The following DYNC1I1 variants were observed in gnomAD, a reference collection of about 807,000 sequenced individuals.
DYNC1I1 encodes the protein dynein cytoplasmic 1 intermediate chain 1, also known as cytoplasmic dynein 1 intermediate chain 1.
Under a neutral mutation model 86.6 loss-of-function variants are expected in DYNC1I1, and 43 were observed. That is an observed-to-expected ratio of 0.50 (90% CI 0.39 to 0.64). The LOEUF (loss-of-function observed/expected upper bound fraction) is 0.64, where lower values mean the gene tolerates loss of function less well. Ranked by LOEUF, DYNC1I1 falls within the 30% of genes least tolerant of loss-of-function variation. DYNC1I1 has a pLI of 0.00. For missense variants in DYNC1I1, 604 were observed against 788.8 expected (o/e 0.77, Z 2.81); for synonymous variants, 262 against 283.7 (o/e 0.92, Z 0.77).
At position 95,971,053 on chromosome 7, in the gene DYNC1I1, A is replaced by G. The variant is rs73708434; in HGVS notation, c.491-6459A>G. Among the ~76,000 whole-genome samples, 1,411 of 152,078 alleles carry G rather than the reference A, an allele frequency of 9.3e-3. 21 individuals carry two copies. The highest frequency in any genetic ancestry group is 0.032 in the African/African-American group (1,315 of 41,342). Reference sequence around the variant, plus strand: ...TGCTCAGGTATCCAGCTGGGATTCCATATGAACAGTGGCACCATTAAGCAG... The same window carrying G: ...TGCTCAGGTATCCAGCTGGGATTCCGTATGAACAGTGGCACCATTAAGCAG... On this transcript the variant is annotated intron_variant, in intron 6 of 16. Transcript: ENST00000447467.
chr7:96,083,816 C>T (rs758224402), intron 16 of DYNC1I1, among the ~76,000 whole-genome samples: 16 of 152,296 alleles, frequency 1.1e-4, no homozygotes, highest in East Asian at 3.9e-4. Context: ...CCTATTAAAA[C>T]GAAACTCATA....
chr7:96,018,875 A>G (rs1198634403), intron 10 of DYNC1I1, among the ~76,000 whole-genome samples: 2 of 152,184 alleles, frequency 1.3e-5, no homozygotes, highest in African/African-American at 2.4e-5. Flanking sequence ...TTATCCCACA[A>G]TGATACTGGG....
At chr7:95,913,566 A>G (rs319334) in intron 6 of DYNC1I1, among the ~76,000 whole-genome samples, 42,639 of 152,124 alleles carry the variant, frequency 0.28, 6,919 homozygotes, top group East Asian at 0.63. Flanking sequence ...CTGCTGCCAC[A>G]TAAGACATGC....
intron 14 of DYNC1I1, among the ~76,000 whole-genome samples, chr7:96,065,804 GTC>G (rs1000792666): frequency 2.6e-5 from 4 of 152,140 alleles, no homozygotes; most frequent in Non-Finnish European, 4.4e-5. Context: ...TAACCTGAGT[GTC>G]TCTACCAGAG....
At chr7:95,795,276 A>G (rs1251295077) in intron 1 of DYNC1I1, among the ~76,000 whole-genome samples, 6 of 135,874 alleles carry the variant, frequency 4.4e-5, no homozygotes, top group Non-Finnish European at 9.9e-5. Context: ...AAAGTGCCCA[A>G]TAATGAGGAA....
In DYNC1I1 at chr7:95,972,579, G is replaced by A. The variant is rs115708152; in HGVS notation, c.491-4933G>A. Among the ~76,000 whole-genome samples the A allele has an allele frequency of 9.6e-3, 1,468 of 152,134 alleles. 30 individuals are homozygous for A. The highest frequency in any genetic ancestry group is 0.033 in the African/African-American group (1,367 of 41,496). ...AGGGAATATGCCCCAGACAGAAAGGGGTTTTGCATTATACTGTATTGCCAA... is the reference window on the plus strand; with the variant it reads ...AGGGAATATGCCCCAGACAGAAAGGAGTTTTGCATTATACTGTATTGCCAA... On this transcript the variant is annotated intron_variant, in intron 6 of 16. Transcript: ENST00000447467.
rs551927774 is a variant in DYNC1I1 at position 95,972,572 on chromosome 7, A to G, written c.491-4940A>G. On this transcript the variant is annotated intron_variant, in intron 6 of 16. Transcript: ENST00000447467. ...GCTGCAAAGGGAATATGCCCCAGAC[A>G]GAAAGGGGTTTTGCATTATACTGTA... Among the ~76,000 whole-genome samples the G allele has an allele frequency of 1.8e-3, 271 of 150,180 alleles. 3 individuals are homozygous for G. Among genetic ancestry groups the G allele is most frequent in the African/African-American group, 6.6e-3 (262 of 39,600 alleles).
At chr7:96,007,056 G>T (rs1774673168) in intron 10 of DYNC1I1, among the ~76,000 whole-genome samples, 2 of 152,152 alleles carry the variant, frequency 1.3e-5, no homozygotes, top group African/African-American at 4.8e-5. Context: ...AAGATTGAAG[G>T]ACTTAGAAAC....
At chr7:95,940,103 T>C (rs1272512130) in intron 6 of DYNC1I1, among the ~76,000 whole-genome samples, 1 of 152,228 alleles carries the variant, frequency 6.6e-6, no homozygotes. Flanking sequence ...AATTCTTTTC[T>C]TTAAGAATGT....
chr7:95,852,546 C>T (rs1011268437), intron 5 of DYNC1I1, among the ~76,000 whole-genome samples: 7 of 151,942 alleles, frequency 4.6e-5, no homozygotes, highest in African/African-American at 1.4e-4. Context: ...CTCACTTTGT[C>T]GCCCAGGCTG....
rs191952397 is a variant in DYNC1I1 at position 96,034,952 on chromosome 7, A to T, written c.1231-667A>T. ...TTATAATTGATTATTCTTTTCTGTC[A>T]TTAAACTTAACTCAGCAGTATATCT... On this transcript the variant is annotated intron_variant, in intron 12 of 16. Coordinates refer to ENST00000447467, the MANE Select transcript of DYNC1I1 (RefSeq NM_001135556.2). Among the ~76,000 whole-genome samples, 336 of 152,350 alleles carry T rather than the reference A, an allele frequency of 2.2e-3. 1 individual carries two copies. Among genetic ancestry groups the T allele is most frequent in the African/African-American group, 7.6e-3 (317 of 41,586 alleles).
At chr7:95,889,442 ATCAAC>A (rs1790680101) in intron 6 of DYNC1I1, among the ~76,000 whole-genome samples, 1 of 152,218 alleles carries the variant, frequency 6.6e-6, no homozygotes, top group Non-Finnish European at 1.5e-5. Flanking sequence ...ATACACAAGA[ATCAAC>A]TCAACATGGA....
intron 6 of DYNC1I1, among the ~76,000 whole-genome samples, chr7:95,956,463 C>T (rs1453858337): frequency 6.6e-6 from 1 of 151,288 alleles, no homozygotes; most frequent in Non-Finnish European, 1.5e-5. Flanking sequence ...ATACATGTGC[C>T]ATGGCTGTTT....
At chr7:95,801,985 C>T (rs545030881) in intron 1 of DYNC1I1, among the ~76,000 whole-genome samples, 3 of 152,212 alleles carry the variant, frequency 2.0e-5, no homozygotes, top group East Asian at 1.9e-4. Context: ...CCCTCAGTCA[C>T]GGCTCTGCTT....
chr7:95,964,738 G>A (rs1002401648), intron 6 of DYNC1I1, among the ~76,000 whole-genome samples: 1 of 152,204 alleles, frequency 6.6e-6, no homozygotes, highest in Admixed American at 6.5e-5. Flanking sequence ...AGTGCCATGT[G>A]CCAGGGCACA....
chr7:95,906,389 A>G (rs1160547463), intron 6 of DYNC1I1, among the ~76,000 whole-genome samples: 2 of 152,220 alleles, frequency 1.3e-5, no homozygotes, highest in African/African-American at 4.8e-5. Flanking sequence ...AAGGGTCTCA[A>G]TCACTTGTCA....
intron 1 of DYNC1I1, among the ~76,000 whole-genome samples, chr7:95,779,372 C>T (rs540657857): frequency 4.6e-5 from 7 of 152,228 alleles, no homozygotes; most frequent in South Asian, 2.1e-4. Flanking sequence ...TCAGTTTCTT[C>T]GTCTGTAAAA....
intron 6 of DYNC1I1, among the ~76,000 whole-genome samples, chr7:95,896,723 T>C (rs761891702): frequency 1.3e-5 from 2 of 152,154 alleles, no homozygotes; most frequent in Non-Finnish European, 2.9e-5. Context: ...TGTTGCTGTG[T>C]GTTGTGGGAA....
chr7:95,902,023 G>T (rs769934199), intron 6 of DYNC1I1, among the ~76,000 whole-genome samples: 30 of 152,300 alleles, frequency 2.0e-4, no homozygotes, highest in Non-Finnish European at 3.8e-4. Flanking sequence ...CACATGAGCT[G>T]CCAGATGGGT....
Sources: gnomAD v4.1 joint callset for allele counts (sites outside exome capture counted in the v4.1 genomes callset) on GRCh38, gnomAD v4.1.1 for gene constraint, MANE v1.5 for transcripts, NCBI Gene and HGNC (gene_info 2026-07-23, HGNC 2026-07-21) for gene names.